Variants in ERBB4 observed in about 807,000 individuals in gnomAD.
ERBB4 encodes the protein erb-b2 receptor tyrosine kinase 4.
ERBB4 carries 42 observed loss-of-function variants against 158.0 expected under a neutral mutation model. The ratio of observed to expected loss-of-function variants is 0.27; its 90% CI spans 0.21 to 0.34. The LOEUF (loss-of-function observed/expected upper bound fraction) is 0.34, where lower values mean the gene tolerates loss of function less well. Among genes scored for constraint, ERBB4 ranks in the 10% least tolerant of loss-of-function variants. The pLI is 1.00. For missense variants in ERBB4, 1,333 were observed against 1,624.1 expected, an observed-to-expected ratio of 0.82 and a Z score of 3.08; for synonymous variants, 583 against 558.7, an observed-to-expected ratio of 1.04 and a Z score of -0.61.
intron 7 of ERBB4, 138 bp from the exon 8 acceptor site, chr2:211,713,786 T>C: frequency 1.6e-6 from 1 of 643,790 alleles, no homozygotes; most frequent in Non-Finnish European, 2.8e-6. Flanking sequence ...AAACAACTCT[T>C]TGTTTAAATA....
At chr2:211,454,704 C>T (rs571980618) in intron 20 of ERBB4, among the ~76,000 whole-genome samples, 1 of 152,256 alleles carries the variant, frequency 6.6e-6, no homozygotes, top group East Asian at 1.9e-4. Context: ...TCTCCTATTC[C>T]CTGTTTTAAT....
At chr2:211,479,984 C>A (rs1339015434) in intron 20 of ERBB4, among the ~76,000 whole-genome samples, 1 of 151,980 alleles carries the variant, frequency 6.6e-6, no homozygotes. Context: ...AAATGCAGAA[C>A]AAGGTTGTAG....
At chr2:212,204,816 CTTTT>C (rs369446940) in intron 1 of ERBB4, among the ~76,000 whole-genome samples, 4 of 122,196 alleles carry the variant, frequency 3.3e-5, no homozygotes, top group African/African-American at 6.1e-5. Context: ...TATATGAAAA[CTTTT>C]TTTTTTTTTT....
chr2:211,563,915 T>A lies in ERBB4; in HGVS notation c.2302-1827A>T, dbSNP rs543283488. Reference sequence around the variant, plus strand: ...TTGGTTTTTCTATATGAAGGTACAGTGTTCATTGTATTACTCTTGAACATT... The same window carrying A: ...TTGGTTTTTCTATATGAAGGTACAGAGTTCATTGTATTACTCTTGAACATT... On this transcript the variant is annotated intron_variant, in intron 19 of 27. Transcript: ENST00000342788. 2.0e-5 allele frequency among the ~76,000 whole-genome samples: 3 copies of A among 152,336 alleles called. No individual in the cohort carries two copies. In the South Asian group the frequency reaches 6.2e-4, roughly 32 times the overall value.
intron 2 of ERBB4, among the ~76,000 whole-genome samples, chr2:212,024,768 T>C (rs1349639290): frequency 6.6e-6 from 1 of 151,714 alleles, no homozygotes; most frequent in Non-Finnish European, 1.5e-5. Flanking sequence ...ACAGAAAGGG[T>C]TGACTGAGCA....
intron 1 of ERBB4, among the ~76,000 whole-genome samples, chr2:212,444,834 C>G (rs2092318302): frequency 6.6e-6 from 1 of 152,032 alleles, no homozygotes; most frequent in Non-Finnish European, 1.5e-5. Context: ...GATCAGCCAG[C>G]TACCTGGTGG....
intron 1 of ERBB4, among the ~76,000 whole-genome samples, chr2:212,223,946 A>G (rs879646594): frequency 2.0e-5 from 3 of 151,852 alleles, no homozygotes; most frequent in African/African-American, 7.2e-5. Flanking sequence ...TAACAGACAT[A>G]AGGCTTGTAG....
chr2:212,435,366 G>C (rs1259653643), intron 1 of ERBB4, among the ~76,000 whole-genome samples: 2 of 151,910 alleles, frequency 1.3e-5, no homozygotes, highest in Non-Finnish European at 2.9e-5. Context: ...ACAAACCATA[G>C]ACTTGATGTT....
At chr2:212,284,146 A>G (rs1448902888) in intron 1 of ERBB4, among the ~76,000 whole-genome samples, 5 of 152,144 alleles carry the variant, frequency 3.3e-5, no homozygotes, top group Admixed American at 3.3e-4. Flanking sequence ...ACGTAATATT[A>G]TCAACAGGTT....
Position 212,371,877 on chromosome 2 carries a change from G to A in ERBB4, c.82+166572C>T, listed in dbSNP as rs771425806. ...GAAAGTGATGAAGAGTTACATAGGC[G>A]AGAACTTGGTTTGTGTGACCCAAAG... On this transcript the variant is annotated intron_variant, in intron 1 of 27. Transcript: ENST00000342788. 1.4e-4 allele frequency among the ~76,000 whole-genome samples: 21 copies of A among 152,244 alleles called. No homozygotes were observed. In the East Asian group the frequency reaches 2.3e-3, roughly 17 times the overall value.
rs575035236 is a variant in ERBB4 at position 211,624,794 on chromosome 2, T to C, written c.2080-750A>G. ...TGTCTAAGTCTTGACATAATGAAAA[T>C]GGGTTGGTATTGGGAGGGCCACTGT... On this transcript the variant is annotated intron_variant, in intron 17 of 27. Transcript: ENST00000342788. 7.2e-5 allele frequency among the ~76,000 whole-genome samples: 11 copies of C among 151,784 alleles called. No homozygotes were observed. In the East Asian group the frequency reaches 1.4e-3, roughly 19 times the overall value.
intron 1 of ERBB4, among the ~76,000 whole-genome samples, chr2:212,459,859 AT>A (rs1411984976): frequency 6.6e-6 from 1 of 152,182 alleles, no homozygotes; most frequent in Non-Finnish European, 1.5e-5. Flanking sequence ...CTTTTCAAAA[AT>A]TTTGCTGGAA....
At chr2:211,547,788 T>C (rs544469848) in intron 20 of ERBB4, among the ~76,000 whole-genome samples, 1 of 152,148 alleles carries the variant, frequency 6.6e-6, no homozygotes, top group East Asian at 1.9e-4. Flanking sequence ...GTAAAAGTAC[T>C]AGCTGAAGCA....
At chr2:211,988,112 ATAAT>A in intron 2 of ERBB4, among the ~76,000 whole-genome samples, 1 of 152,212 alleles carries the variant, frequency 6.6e-6, no homozygotes, top group Non-Finnish European at 1.5e-5. Context: ...GATTAAGGAA[ATAAT>A]TTATTAGAGC....
At chr2:212,163,362 G>T (rs1261891014) in intron 1 of ERBB4, among the ~76,000 whole-genome samples, 2 of 150,176 alleles carry the variant, frequency 1.3e-5, no homozygotes, top group African/African-American at 4.8e-5. Flanking sequence ...ATTAATAAGG[G>T]TGAAGGAACT....
intron 1 of ERBB4, among the ~76,000 whole-genome samples, chr2:212,194,056 T>C (rs2082351757): frequency 6.6e-6 from 1 of 152,040 alleles, no homozygotes; most frequent in Non-Finnish European, 1.5e-5. Context: ...TAAATTAGGA[T>C]TTAAGATGTC....
chr2:211,528,962 C>T (rs560424411), intron 20 of ERBB4, among the ~76,000 whole-genome samples: 1 of 151,074 alleles, frequency 6.6e-6, no homozygotes, highest in East Asian at 1.9e-4. Flanking sequence ...AAAGCAAGAG[C>T]AAACCAAACC....
chr2:212,418,536 CATAT>C (rs576577883), intron 1 of ERBB4, among the ~76,000 whole-genome samples: 1 of 148,804 alleles, frequency 6.7e-6, no homozygotes, highest in East Asian at 1.9e-4. Context: ...ATAAAATAAA[CATAT>C]ATATATATAT....
chr2:211,838,716 T>C lies in ERBB4; in HGVS notation c.422-50557A>G, dbSNP rs115552144. 9.0e-3 allele frequency among the ~76,000 whole-genome samples: 1,375 copies of C among 152,256 alleles called. 18 individuals carry two copies. Among genetic ancestry groups the C allele is most frequent in the African/African-American group, 0.031 (1,306 of 41,562 alleles). ...AAACCCTTCTTAATGATAAACATTT[T>C]ATAGTTTAAAAATATATTTGAAATA... On this transcript the variant is annotated intron_variant, in intron 3 of 27. Coordinates refer to ENST00000342788, the MANE Select transcript of ERBB4 (RefSeq NM_005235.3).
Sources: allele counts gnomAD v4.1 joint callset (sites outside exome capture counted in the v4.1 genomes callset), GRCh38; gene constraint gnomAD v4.1.1; transcripts MANE v1.5; gene names NCBI Gene and HGNC (gene_info 2026-07-23, HGNC 2026-07-21).